The following GVQW3 variants were observed in gnomAD, a reference collection of about 807,000 sequenced individuals.
GVQW3 encodes GVQW motif containing 3.
GVQW3 carries 7 observed loss-of-function variants against 12.5 expected under a neutral mutation model. That is an observed-to-expected ratio of 0.56 (90% CI 0.32 to 1.05). The LOEUF (loss-of-function observed/expected upper bound fraction) is 1.05, where lower values mean the gene tolerates loss of function less well. GVQW3 is among the 50% of genes least tolerant of loss of function. GVQW3 has a pLI of 0.04. For missense variants in GVQW3, 188 were observed against 190.8 expected, an observed-to-expected ratio of 0.99 and a Z score of 0.09; for synonymous variants, 71 against 67.2, an observed-to-expected ratio of 1.06 and a Z score of -0.28.
At chr11:76,403,109 G>A (rs1288173859) in intron 1 of GVQW3, among the ~76,000 whole-genome samples, 2 of 151,720 alleles carry the variant, frequency 1.3e-5, no homozygotes, top group Non-Finnish European at 1.5e-5. Context: ...CACCACACCC[G>A]GCTAATTTTT....
At chr11:76,394,966 G>C (rs1045148859) in intron 1 of GVQW3, 2 of 152,154 alleles carry the variant, frequency 1.3e-5, no homozygotes, top group Admixed American at 1.3e-4. Flanking sequence ...GAACTTTGTT[G>C]TTTGCAGGAT....
At chr11:76,396,047 G>T (rs1262533612) in intron 1 of GVQW3, among the ~76,000 whole-genome samples, 1 of 152,118 alleles carries the variant, frequency 6.6e-6, no homozygotes, top group Non-Finnish European at 1.5e-5. Context: ...CTGGCCTCTG[G>T]TAGTTTCCTT....
Position 76,381,956 on chromosome 11 carries a change from T to G in GVQW3, c.128T>G (p.Val43Gly). 6.5e-7 allele frequency: 1 copy of G among 1,536,346 alleles called. No homozygotes were observed. Among genetic ancestry groups the G allele is most frequent in the Non-Finnish European group, 8.7e-7 (1 of 1,146,966 alleles). ...GATGAAGTCATGTCAAGGGCCAGAG[T>G]TTTTGACTGGCACAAAAGGTTTAAA... Reference protein sequence around the residue: ...YGDEVMSRARVFDWHKRFKEG... With the variant: ...YGDEVMSRARGFDWHKRFKEG... Residue 43 changes from valine (V) to glycine (G), a missense_variant, in exon 1 of 2, where the codon GTT becomes GGT. Val to Gly is a moderately radical substitution (Grantham distance 109). Transcript: ENST00000529331.
In GVQW3 at chr11:76,386,291, T is replaced by C. The variant is rs561996524; in HGVS notation, c.465+3998T>C. The stretch of plus-strand genomic sequence containing the variant: ...TAGTAATGATCAAAAAGAGAAAGAA[T>C]AAAATGTTCACCAAATCTGTGACTT... On this transcript the variant is annotated intron_variant, in intron 1 of 1. Coordinates refer to ENST00000529331, the MANE Select transcript of GVQW3 (RefSeq NM_001347885.2). Among the ~76,000 whole-genome samples, 5 of 152,302 alleles carry C rather than the reference T, an allele frequency of 3.3e-5. No homozygotes were observed. In the East Asian group the frequency reaches 9.6e-4, roughly 29 times the overall value.
At chr11:76,396,531 T>G (rs906183935) in intron 1 of GVQW3, among the ~76,000 whole-genome samples, 3 of 152,078 alleles carry the variant, frequency 2.0e-5, no homozygotes, top group African/African-American at 7.2e-5. Flanking sequence ...CCCAGGCTGG[T>G]CTCGAACTCC....
At chr11:76,389,208 A>G (rs941866184) in intron 1 of GVQW3, among the ~76,000 whole-genome samples, 10 of 152,248 alleles carry the variant, frequency 6.6e-5, no homozygotes, top group Admixed American at 2.0e-4. Flanking sequence ...GTGATATACA[A>G]AATTGTATGT....
rs1281296844 is a variant in GVQW3, at chr11:76,403,680, G to T, written c.486G>T (p.Leu162Phe). 3.4e-5 allele frequency: 16 copies of T among 477,140 alleles called. No homozygotes were observed. Among genetic ancestry groups the T allele is most frequent in the African/African-American group, 2.0e-5 (1 of 50,186 alleles). 29.6% of individuals were successfully genotyped at this position (477,140 alleles called of 1,614,324 possible). The change falls in exon 2 of 2, where the codon TTG becomes TTT. Residue 162 changes from leucine to phenylalanine, a missense_variant. By Grantham distance (22) the Leu-to-Phe change is conservative. Transcript: ENST00000529331. Reference sequence around the variant, plus strand: ...TGTAGAGACGGAACCTCACTATGTTGCCCAGGCTGGTCTCGAACTCCTTGT... The same window carrying T: ...TGTAGAGACGGAACCTCACTATGTTTCCCAGGCTGGTCTCGAACTCCTTGT... ...LRKKRRNLTM[L>F]PRLVSNSLSQ...
At position 76,405,515 on chromosome 11, in the gene GVQW3, A is replaced by G. The variant is rs1947031151; in HGVS notation, c.*1757A>G. On this transcript the variant is annotated 3_prime_UTR_variant, in exon 2 of 2. Coordinates refer to ENST00000529331, the MANE Select transcript of GVQW3 (RefSeq NM_001347885.2). ...ACCTAACACACAGCTGGCAAAAGGCACAGTTAGAGCCACACATCAGACTCA... is the reference window on the plus strand; with the variant it reads ...ACCTAACACACAGCTGGCAAAAGGCGCAGTTAGAGCCACACATCAGACTCA... 1 of 152,234 alleles carries G rather than the reference A, an allele frequency of 6.6e-6. No individual in the cohort carries two copies. 9.4% of individuals were successfully genotyped at this position (152,234 alleles called of 1,614,324 possible).
At chr11:76,389,441 G>T (rs773419435) in intron 1 of GVQW3, among the ~76,000 whole-genome samples, 14 of 151,684 alleles carry the variant, frequency 9.2e-5, no homozygotes, top group Non-Finnish European at 1.9e-4. Context: ...GGACACAGAG[G>T]CTATATGATC....
At chr11:76,414,601 T>A (rs1391692629) in exon 2 of GVQW3, 1 of 140,236 alleles carries the variant, frequency 7.1e-6, no homozygotes, top group Non-Finnish European at 1.5e-5. Context: ...CTCTCCAGGA[T>A]TCCTGCAATG....
chr11:76,385,257 A>G (rs1946820764), intron 1 of GVQW3, among the ~76,000 whole-genome samples: 1 of 152,246 alleles, frequency 6.6e-6, no homozygotes, highest in South Asian at 2.1e-4. Flanking sequence ...CAGAATTTCT[A>G]AACCCAAGGG....
At chr11:76,398,258 A>G (rs1946957749) in intron 1 of GVQW3, among the ~76,000 whole-genome samples, 3 of 152,208 alleles carry the variant, frequency 2.0e-5, no homozygotes, top group Admixed American at 6.5e-5. Context: ...CCTCACTTGT[A>G]TCCCACACCT....
At chr11:76,394,375 ACT>A (rs887389587) in intron 1 of GVQW3, among the ~76,000 whole-genome samples, 1 of 148,958 alleles carries the variant, frequency 6.7e-6, no homozygotes, top group African/African-American at 2.5e-5. Flanking sequence ...CCATCATTCT[ACT>A]CTCTGTCTCC....
intron 1 of GVQW3, among the ~76,000 whole-genome samples, chr11:76,390,293 G>T (rs1246888229): frequency 1.3e-5 from 2 of 152,138 alleles, no homozygotes; most frequent in Admixed American, 6.5e-5. Context: ...TTGGGTTTCA[G>T]TTCTGGCTTC....
downstream of GVQW3, chr11:76,408,342 A>T (rs867594152): frequency 5.4e-4 from 82 of 152,172 alleles, no homozygotes; most frequent in African/African-American, 1.9e-3. Flanking sequence ...TTGAAGGATG[A>T]ATAGGGGTCC....
intron 1 of GVQW3, among the ~76,000 whole-genome samples, chr11:76,389,041 A>C (rs912013547): frequency 7.2e-5 from 11 of 152,368 alleles, no homozygotes; most frequent in Middle Eastern, 3.4e-3. Context: ...AATGTGGGCA[A>C]AATCAAGGCT....
intron 1 of GVQW3, 135 bp downstream of exon 1, chr11:76,382,428 C>T (rs569359194): frequency 1.4e-6 from 1 of 707,848 alleles, no homozygotes; most frequent in Non-Finnish European, 2.5e-6. Flanking sequence ...GCCTTCCCCC[C>T]AGGGTAGCTG....
rs1023715520 is a variant in GVQW3, at chr11:76,403,782, G to A, written c.*24G>A. ...GAGCCACCATGCCAAGCCAAAACCA[G>A]GAGTTCAATGGTGTAAATTCCAGTC... On this transcript the variant is annotated 3_prime_UTR_variant, in exon 2 of 2. Transcript: ENST00000529331. The A allele has an allele frequency of 1.4e-5, 8 of 562,072 alleles. No individual in the cohort carries two copies. The Admixed American group carries it at 1.9e-4, about 13-fold the overall frequency. 34.8% of individuals were successfully genotyped at this position (562,072 alleles called of 1,614,324 possible).
At chr11:76,391,094 G>T (rs1447654506) in intron 1 of GVQW3, among the ~76,000 whole-genome samples, 3 of 152,164 alleles carry the variant, frequency 2.0e-5, no homozygotes, top group Non-Finnish European at 2.9e-5. Context: ...GGTGGTAGTC[G>T]GCAAGAAGCC....
Sources: allele counts gnomAD v4.1 joint callset (sites outside exome capture counted in the v4.1 genomes callset), GRCh38; gene constraint gnomAD v4.1.1; transcripts MANE v1.5; gene names NCBI Gene and HGNC (gene_info 2026-07-23, HGNC 2026-07-21).